ST8SIA6: variants seen among roughly 807,000 people sequenced by gnomAD.
ST8SIA6 encodes the protein alpha-2,8-sialyltransferase 8F.
Under a neutral mutation model 33.6 loss-of-function variants are expected in ST8SIA6, and 39 were observed. The observed-to-expected ratio is 1.16, with a 90% CI of 0.90 to 1.52. The LOEUF (loss-of-function observed/expected upper bound fraction) is 1.52, where lower values mean the gene tolerates loss of function less well. Among genes scored for constraint, ST8SIA6 ranks in the 40% most tolerant of loss-of-function variants. The probability of loss-of-function intolerance (pLI) is 0.00; values close to 1 mark genes in which losing one functional copy is unlikely to be tolerated. For missense variants in ST8SIA6, 441 were observed against 443.8 expected, an observed-to-expected ratio of 0.99 and a Z score of 0.06; for synonymous variants, 172 against 167.2, an observed-to-expected ratio of 1.03 and a Z score of -0.22.
intron 2 of ST8SIA6, among the ~76,000 whole-genome samples, chr10:17,444,347 T>A (rs979272150): frequency 1.3e-5 from 2 of 152,262 alleles, no homozygotes; most frequent in African/African-American, 4.8e-5. Flanking sequence ...AAAAGAAACA[T>A]CCCAGCCTCT....
intron 2 of ST8SIA6, among the ~76,000 whole-genome samples, chr10:17,402,062 C>T (rs1223616924): frequency 6.6e-6 from 1 of 152,056 alleles, no homozygotes; most frequent in Non-Finnish European, 1.5e-5. Flanking sequence ...CCAGAATCTA[C>T]AAAGAACACA....
At chr10:17,429,740 C>T (rs1852046906) in intron 2 of ST8SIA6, among the ~76,000 whole-genome samples, 1 of 152,184 alleles carries the variant, frequency 6.6e-6, no homozygotes, top group Non-Finnish European at 1.5e-5. Context: ...CCGCCTCAGC[C>T]TCCCAGAGTG....
At chr10:17,423,424 C>G (rs975501072) in intron 2 of ST8SIA6, among the ~76,000 whole-genome samples, 3 of 152,194 alleles carry the variant, frequency 2.0e-5, no homozygotes, top group Non-Finnish European at 4.4e-5. Flanking sequence ...CCTCCTCCAA[C>G]TAGCTCCATG....
At chr10:17,377,786 A>C (rs1030576080) in intron 3 of ST8SIA6, among the ~76,000 whole-genome samples, 6 of 152,246 alleles carry the variant, frequency 3.9e-5, no homozygotes, top group African/African-American at 1.4e-4. Context: ...TAAGTCTTTA[A>C]CAGACCATGA....
chr10:17,434,807 G>T (rs1162206497), intron 2 of ST8SIA6, among the ~76,000 whole-genome samples: 1 of 152,174 alleles, frequency 6.6e-6, no homozygotes, highest in East Asian at 1.9e-4. Context: ...TAAATAATGA[G>T]GCCTCAGTGC....
At chr10:17,335,824 CATA>C (rs1848482401) in intron 4 of ST8SIA6, among the ~76,000 whole-genome samples, 1 of 152,112 alleles carries the variant, frequency 6.6e-6, no homozygotes, top group Non-Finnish European at 1.5e-5. Flanking sequence ...GAAAAAGCAA[CATA>C]ATAAATTCTC....
intron 4 of ST8SIA6, among the ~76,000 whole-genome samples, chr10:17,339,745 C>T (rs1184873070): frequency 6.6e-5 from 10 of 152,112 alleles, no homozygotes; most frequent in Admixed American, 6.5e-4. Context: ...TTCACTTAAA[C>T]CCTACAATAG....
rs1847825907 is a variant in ST8SIA6 at position 17,317,925 on chromosome 10, C to G, written c.*2953G>C. 6.6e-6 allele frequency among the ~76,000 whole-genome samples: 1 copy of G among 152,140 alleles called. No homozygotes were observed. Among genetic ancestry groups the G allele is most frequent in the African/African-American group, 2.4e-5 (1 of 41,436 alleles). On this transcript the variant is annotated 3_prime_UTR_variant, in exon 8 of 8. Transcript: ENST00000377602. Reference sequence around the variant, plus strand: ...GCCTTTTGTTCCAAGGGAAAAGCACCAGAGACTTCAAGGATGTTCGAGGAT... The same window carrying G: ...GCCTTTTGTTCCAAGGGAAAAGCACGAGAGACTTCAAGGATGTTCGAGGAT...
chr10:17,415,178 C>G (rs1851564409), intron 2 of ST8SIA6, among the ~76,000 whole-genome samples: 1 of 152,170 alleles, frequency 6.6e-6, no homozygotes, highest in South Asian at 2.1e-4. Flanking sequence ...AATCTATTCC[C>G]TCATCAGAAG....
chr10:17,416,014 C>T (rs570661458), intron 2 of ST8SIA6, among the ~76,000 whole-genome samples: 31 of 151,740 alleles, frequency 2.0e-4, no homozygotes, highest in Non-Finnish European at 3.8e-4. Flanking sequence ...CACCATGTTG[C>T]CCAGGCTGGT....
At chr10:17,341,898 CT>C (rs1373335810) in intron 4 of ST8SIA6, among the ~76,000 whole-genome samples, 19 of 23,194 alleles carry the variant, frequency 8.2e-4, no homozygotes, top group Admixed American at 4.2e-3. Context: ...AAGGCTCCAT[CT>C]CAAAAAAAAA....
intron 2 of ST8SIA6, among the ~76,000 whole-genome samples, chr10:17,395,803 A>G (rs1850785588): frequency 6.6e-6 from 1 of 152,198 alleles, no homozygotes; most frequent in Non-Finnish European, 1.5e-5. Flanking sequence ...GAATTGCTTG[A>G]ACCCAGGAGG....
intron 3 of ST8SIA6, among the ~76,000 whole-genome samples, chr10:17,359,922 G>A (rs1038480980): frequency 6.6e-6 from 1 of 152,090 alleles, no homozygotes; most frequent in Non-Finnish European, 1.5e-5. Flanking sequence ...TATATTTATA[G>A]ATGTTTTATA....
intron 2 of ST8SIA6, among the ~76,000 whole-genome samples, chr10:17,437,108 C>A (rs974321447): frequency 1.3e-5 from 2 of 152,114 alleles, no homozygotes; most frequent in African/African-American, 4.8e-5. Flanking sequence ...CTATGATTCC[C>A]AAATAAAACA....
chr10:17,389,230 GT>G (rs1334000296), intron 3 of ST8SIA6, among the ~76,000 whole-genome samples: 6 of 152,138 alleles, frequency 3.9e-5, no homozygotes, highest in African/African-American at 9.7e-5. Context: ...ACTGATTTGA[GT>G]AATAAAACTC....
chr10:17,378,693 A>C (rs1158194504), intron 3 of ST8SIA6, among the ~76,000 whole-genome samples: 1 of 152,198 alleles, frequency 6.6e-6, no homozygotes, highest in Non-Finnish European at 1.5e-5. Flanking sequence ...GAACTACTTT[A>C]AGTCCACCCC....
intron 5 of ST8SIA6, among the ~76,000 whole-genome samples, chr10:17,328,364 C>A (rs1848197807): frequency 2.0e-5 from 3 of 152,256 alleles, no homozygotes; most frequent in South Asian, 4.1e-4. Context: ...CTTTCTTATT[C>A]CTTTTAGGAC....
At chr10:17,348,793 C>T (rs774934437) in intron 4 of ST8SIA6, among the ~76,000 whole-genome samples, 1 of 152,158 alleles carries the variant, frequency 6.6e-6, no homozygotes, top group African/African-American at 2.4e-5. Flanking sequence ...CAAATCCTAA[C>T]TTTTCATCTA....
chr10:17,344,868 T>C (rs1050333187), intron 4 of ST8SIA6, among the ~76,000 whole-genome samples: 3 of 152,098 alleles, frequency 2.0e-5, no homozygotes, highest in African/African-American at 7.2e-5. Context: ...AGGCAACAGA[T>C]TGCTTGGGGC....
Sources: gnomAD v4.1 joint callset for allele counts (sites outside exome capture counted in the v4.1 genomes callset) on GRCh38, gnomAD v4.1.1 for gene constraint, MANE v1.5 for transcripts, NCBI Gene and HGNC (gene_info 2026-07-23, HGNC 2026-07-21) for gene names.